Variants in NDUFAF7 observed in about 807,000 individuals in gnomAD.
NDUFAF7 encodes the protein protein arginine methyltransferase NDUFAF7, mitochondrial.
A neutral mutation model predicts 47.2 loss-of-function variants in NDUFAF7; 48 were observed. The observed-to-expected ratio is 1.02, with a 90% CI of 0.81 to 1.29. The LOEUF is 1.29. Among genes scored for constraint, NDUFAF7 ranks in the 50% most tolerant of loss-of-function variants. NDUFAF7 has a pLI of 0.00. For missense variants in NDUFAF7, 635 were observed against 537.6 expected (o/e 1.18, Z -1.79); for synonymous variants, 217 against 190.0 (o/e 1.14, Z -1.17).
At chr2:37,236,608 C>T (rs777304882) in intron 3 of NDUFAF7, among the ~76,000 whole-genome samples, 1 of 151,578 alleles carries the variant, frequency 6.6e-6, no homozygotes, top group Non-Finnish European at 1.5e-5. Context: ...AACGCAGTCT[C>T]TACTAAAAAA....
chr2:37,248,011 A>G, intron 9 of NDUFAF7, 124 bp from the exon 10 acceptor site: 1 of 797,582 alleles, frequency 1.3e-6, no homozygotes, highest in Non-Finnish European at 2.1e-6. Flanking sequence ...ATTCTCAGGC[A>G]GGTAATCAGA....
At chr2:37,264,148 G>A in the NDUFAF7 span, among the ~76,000 whole-genome samples, 10 of 152,190 alleles carry the variant, frequency 6.6e-5, no homozygotes, top group South Asian at 8.3e-4. Context: ...CTCCCTAGAT[G>A]TGGCCAGGTT....
downstream of NDUFAF7, chr2:37,251,655 T>C (rs1049452995): frequency 6.6e-6 from 1 of 152,006 alleles, no homozygotes; most frequent in African/African-American, 2.4e-5. Flanking sequence ...TGGGCAACGA[T>C]AGTTAACACT....
the NDUFAF7 span, chr2:37,259,530 G>A: frequency 1.5e-6 from 2 of 1,375,750 alleles, no homozygotes; most frequent in Non-Finnish European, 2.1e-6. Context: ...TATTATGTGG[G>A]TGCTTTGAAA....
Position 37,232,014 on chromosome 2 carries a change from G to A in NDUFAF7, c.56-92G>A, listed in dbSNP as rs149365406. 531 of 1,608,056 alleles carry A rather than the reference G, an allele frequency of 3.3e-4. 3 individuals are homozygous for A. The African/African-American group carries it at 6.2e-3, about 19-fold the overall frequency. ...GGTCTGCGGTGGGGCGAGGTTAAGGGTTCACGAAGCTGTTTTGAAAACGCT... is the reference window on the plus strand; with the variant it reads ...GGTCTGCGGTGGGGCGAGGTTAAGGATTCACGAAGCTGTTTTGAAAACGCT... On this transcript the variant is annotated intron_variant, in intron 1 of 9. Coordinates refer to ENST00000002125, the MANE Select transcript of NDUFAF7 (RefSeq NM_144736.5).
At chr2:37,264,466 T>C in the NDUFAF7 span, among the ~76,000 whole-genome samples, 1 of 136,498 alleles carries the variant, frequency 7.3e-6, no homozygotes, top group African/African-American at 2.9e-5. Flanking sequence ...AATTACCTAG[T>C]ATGAAGGTGA....
chr2:37,270,268 TAAAAGC>T, the NDUFAF7 span, among the ~76,000 whole-genome samples: 42 of 146,358 alleles, frequency 2.9e-4, no homozygotes, highest in Non-Finnish European at 3.0e-4. Flanking sequence ...TAGTGATCTA[TAAAAGC>T]AAATCTACCT....
At chr2:37,260,517 A>G in the NDUFAF7 span, 8 of 822,018 alleles carry the variant, frequency 9.7e-6, no homozygotes, top group African/African-American at 1.4e-4. Context: ...ACAAAATAAA[A>G]ATTACAATCA....
chr2:37,254,103 T>G (rs1667743563), downstream of NDUFAF7: 2 of 849,310 alleles, frequency 2.4e-6, no homozygotes, highest in African/African-American at 1.7e-5. Context: ...TAAGAGCACT[T>G]TTATTATTCT....
downstream of NDUFAF7, chr2:37,254,150 CAG>C: frequency 2.3e-6 from 3 of 1,330,238 alleles, no homozygotes; most frequent in Non-Finnish European, 3.2e-6. Context: ...TGGGACAAAT[CAG>C]AGTGAACTAC....
chr2:37,254,642 T>C (rs1553363908), downstream of NDUFAF7, among the ~76,000 whole-genome samples: 1 of 152,202 alleles, frequency 6.6e-6, no homozygotes, highest in Non-Finnish European at 1.5e-5. Flanking sequence ...GTTGCTGACA[T>C]ATGTTAAGGG....
chr2:37,237,884 T>C lies in NDUFAF7; in HGVS notation c.408+17T>C. 6.5e-7 allele frequency: 1 copy of C among 1,529,534 alleles called. No homozygotes were observed. Among genetic ancestry groups the C allele is most frequent in the Non-Finnish European group, 9.1e-7 (1 of 1,103,918 alleles). 94.7% of individuals were successfully genotyped at this position (1,529,534 alleles called of 1,614,324 possible). A position where few individuals can be genotyped will look rare whatever the true frequency, so the allele number is the denominator to read the frequency against. ...ATTTTGAGGGTAGGTAATAAAAGAA[T>C]GTCTTCTAGTCTCATATAAGTGAAT... On this transcript the variant is annotated intron_variant, in intron 4 of 9. Coordinates refer to ENST00000002125, the MANE Select transcript of NDUFAF7 (RefSeq NM_144736.5).
At chr2:37,244,863 T>C (rs1177621821) in intron 7 of NDUFAF7, among the ~76,000 whole-genome samples, 1 of 152,198 alleles carries the variant, frequency 6.6e-6, no homozygotes, top group Non-Finnish European at 1.5e-5. Context: ...TACCAAGAAC[T>C]AACCTCCTGG....
chr2:37,253,452 C>G (rs1018292484), downstream of NDUFAF7: 5 of 942,786 alleles, frequency 5.3e-6, no homozygotes, highest in Non-Finnish European at 6.2e-6. Flanking sequence ...GTGCCCTAGT[C>G]AAATAATTGA....
chr2:37,266,017 C>T, the NDUFAF7 span, among the ~76,000 whole-genome samples: 4 of 152,056 alleles, frequency 2.6e-5, no homozygotes, highest in Non-Finnish European at 4.4e-5. Flanking sequence ...AAATTAGATA[C>T]GCAAAAATAC....
the NDUFAF7 span, among the ~76,000 whole-genome samples, chr2:37,270,285 A>T: frequency 8.4e-6 from 1 of 118,886 alleles, no homozygotes; most frequent in Non-Finnish European, 1.8e-5. Context: ...AAATCTACCT[A>T]AAAAAAATTA....
At chr2:37,244,947 C>G (rs1195888896) in intron 7 of NDUFAF7, among the ~76,000 whole-genome samples, 3 of 152,140 alleles carry the variant, frequency 2.0e-5, no homozygotes, top group Non-Finnish European at 4.4e-5. Context: ...TTCTCTTTCA[C>G]TTGAATGAGA....
At chr2:37,246,759 A>G in intron 8 of NDUFAF7, among the ~76,000 whole-genome samples, 1 of 130,740 alleles carries the variant, frequency 7.6e-6, no homozygotes, top group East Asian at 4.2e-4. Context: ...CTTAATTTCT[A>G]ACTTTATCTA....
At chr2:37,241,238 A>T (rs534618897) in intron 4 of NDUFAF7, among the ~76,000 whole-genome samples, 1 of 152,286 alleles carries the variant, frequency 6.6e-6, no homozygotes, top group Admixed American at 6.5e-5. Context: ...TAGAGATGTT[A>T]TCAAATCAAG....
Sources: allele counts gnomAD v4.1 joint callset (sites outside exome capture counted in the v4.1 genomes callset), GRCh38; gene constraint gnomAD v4.1.1; transcripts MANE v1.5; gene names NCBI Gene and HGNC (gene_info 2026-07-23, HGNC 2026-07-21).